KIAA1671: variants seen among roughly 807,000 people sequenced by gnomAD.
The protein encoded by KIAA1671 is KIAA1671.
A neutral mutation model predicts 131.2 loss-of-function variants in KIAA1671; 52 were observed. The ratio of observed to expected loss-of-function variants is 0.40; its 90% confidence interval spans 0.32 to 0.50. The LOEUF (loss-of-function observed/expected upper bound fraction) is 0.50, where lower values mean the gene tolerates loss of function less well. Among genes scored for constraint, KIAA1671 ranks in the 20% least tolerant of loss-of-function variants. The pLI, the probability that KIAA1671 is intolerant of heterozygous loss-of-function variation, is 0.73. For missense variants in KIAA1671, 2,360 were observed against 2,364.2 expected (o/e 1.00, Z 0.04); for synonymous variants, 1,003 against 961.6 (o/e 1.04, Z -0.80).
At chr22:25,125,357 A>G (rs1000727258) in intron 6 of KIAA1671, among the ~76,000 whole-genome samples, 11 of 152,186 alleles carry the variant, frequency 7.2e-5, no homozygotes, top group African/African-American at 2.7e-4. Context: ...GGTATTATCT[A>G]TGTCGGGTCT....
At chr22:24,957,483 A>G (rs1332519635) in intron 1 of KIAA1671, among the ~76,000 whole-genome samples, 6 of 152,186 alleles carry the variant, frequency 3.9e-5, no homozygotes, top group African/African-American at 7.2e-5. Flanking sequence ...ATCCCTGTCC[A>G]GGAGTTCACT....
chr22:25,148,242 C>T (rs1004286968), intron 6 of KIAA1671, among the ~76,000 whole-genome samples: 1 of 150,834 alleles, frequency 6.6e-6, no homozygotes, highest in Admixed American at 6.6e-5. Flanking sequence ...CCTGGCACCC[C>T]CCTCAGTCCC....
chr22:25,068,869 C>T (rs755317285), intron 6 of KIAA1671, among the ~76,000 whole-genome samples: 5 of 152,154 alleles, frequency 3.3e-5, no homozygotes, highest in East Asian at 3.9e-4. Flanking sequence ...AGCCTGGGGG[C>T]GGGAGCCTGG....
At chr22:25,066,861 A>C in intron 6 of KIAA1671, among the ~76,000 whole-genome samples, 1 of 152,154 alleles carries the variant, frequency 6.6e-6, no homozygotes. Context: ...ATTTTCTCCC[A>C]AGAGTGATGA....
Position 25,195,309 on chromosome 22 carries a change from G to A in KIAA1671, c.*2908G>A, listed in dbSNP as rs80083252. ...TGGTCCTTTGCCTAATCAAACAGAGGCTTTTGGCCTTTGAAAATCCATGAC... is the reference window on the plus strand; with the variant it reads ...TGGTCCTTTGCCTAATCAAACAGAGACTTTTGGCCTTTGAAAATCCATGAC... On this transcript the variant is annotated 3_prime_UTR_variant, in exon 13 of 13. Coordinates refer to ENST00000358431, the MANE Select transcript of KIAA1671 (RefSeq NM_001145206.2). 6,689 of 152,244 alleles carry A rather than the reference G, an allele frequency of 0.044. 195 individuals are homozygous for A. Among genetic ancestry groups the A allele is most frequent in the Middle Eastern group, 0.075 (22 of 294 alleles). 9.4% of individuals were successfully genotyped at this position (152,244 alleles called of 1,614,324 possible). A position where few individuals can be genotyped will look rare whatever the true frequency, so the allele number is the denominator to read the frequency against.
At chr22:25,061,229 GA>G in intron 6 of KIAA1671, 1 of 152,336 alleles carries the variant, frequency 6.6e-6, no homozygotes, top group East Asian at 1.9e-4. Flanking sequence ...TTCTCTTAAG[GA>G]GATGTATTTC....
rs1332798353 is a variant in KIAA1671, at chr22:24,987,645, A to AT, written c.-208+34879dup. ...GCCACCACACCTGGCTAATTATTTT[A>AT]TTTTTTGTAGAGGTGGGGTCTTGCT... is the stretch of plus-strand genomic sequence containing the variant. On this transcript the variant is annotated intron_variant, in intron 1 of 12. Coordinates refer to ENST00000358431, the MANE Select transcript of KIAA1671 (RefSeq NM_001145206.2). Among the ~76,000 whole-genome samples, 6 of 151,912 alleles carry AT rather than the reference A, an allele frequency of 3.9e-5. No homozygotes were observed. The East Asian group carries it at 1.2e-3, about 29-fold the overall frequency.
At chr22:25,187,838 T>G (rs984623574) in intron 11 of KIAA1671, among the ~76,000 whole-genome samples, 2 of 152,178 alleles carry the variant, frequency 1.3e-5, no homozygotes, top group African/African-American at 4.8e-5. Context: ...GTTCTCATTA[T>G]AAGAAATTCT....
In KIAA1671 at chr22:25,040,972, C is replaced by T. The variant is rs1049030830; in HGVS notation, c.3842C>T (p.Ala1281Val). The T allele has an allele frequency of 1.4e-5, 21 of 1,475,502 alleles. No individual in the cohort carries two copies. In the African/African-American group the frequency reaches 2.6e-4, roughly 18 times the overall value. 91.4% of individuals were successfully genotyped at this position (1,475,502 alleles called of 1,614,324 possible). A position where few individuals can be genotyped will look rare whatever the true frequency, so the allele number is the denominator to read the frequency against. The change falls in exon 5 of 13, where the codon GCA becomes GTA. Residue 1281 changes from alanine (A) to valine (V), a missense_variant. By Grantham distance (64) the Ala-to-Val change is moderately conservative (BLOSUM62 0). Coordinates refer to ENST00000358431, the MANE Select transcript of KIAA1671 (RefSeq NM_001145206.2). The part of the protein sequence containing the change: ...SFTPGLGKQL[A>V]ETLETAMGTK... ...ACTCCTGGCTTAGGCAAGCAGCTGG[C>T]AGAGACCTTGGAGACAGCCATGGGC...
At chr22:25,056,344 A>T (rs1404932792) in intron 6 of KIAA1671, 2 of 149,238 alleles carry the variant, frequency 1.3e-5, no homozygotes, top group Non-Finnish European at 3.0e-5. Context: ...CTGGAAAAGG[A>T]TTTTTAAAAT....
intron 1 of KIAA1671, among the ~76,000 whole-genome samples, chr22:24,969,558 T>C (rs974425886): frequency 6.6e-6 from 1 of 152,192 alleles, no homozygotes; most frequent in Non-Finnish European, 1.5e-5. Context: ...AACCGACAGA[T>C]ACTGAGGGCT....
chr22:25,123,420 C>T (rs1012041010), intron 6 of KIAA1671, among the ~76,000 whole-genome samples: 8 of 152,028 alleles, frequency 5.3e-5, no homozygotes, highest in African/African-American at 1.4e-4. Context: ...TCTCGATTTC[C>T]TGACCTTGTG....
At chr22:25,090,343 C>T (rs1161309835) in intron 6 of KIAA1671, among the ~76,000 whole-genome samples, 1 of 152,220 alleles carries the variant, frequency 6.6e-6, no homozygotes, top group African/African-American at 2.4e-5. Flanking sequence ...TCAGCATCCT[C>T]CATCCTCATA....
intron 6 of KIAA1671, among the ~76,000 whole-genome samples, chr22:25,135,757 G>C (rs1932648780): frequency 6.6e-6 from 1 of 152,174 alleles, no homozygotes; most frequent in Admixed American, 6.5e-5. Flanking sequence ...CATCCTCTTG[G>C]GCTGTCCTCT....
At chr22:25,174,021 G>T (rs1385650733) in intron 7 of KIAA1671, among the ~76,000 whole-genome samples, 3 of 152,152 alleles carry the variant, frequency 2.0e-5, no homozygotes, top group Admixed American at 1.3e-4. Context: ...CTCCCATTCT[G>T]CACCTGGCCA....
chr22:25,057,645 T>C (rs1377513896), intron 6 of KIAA1671: 3 of 33,064 alleles, frequency 9.1e-5, no homozygotes, highest in South Asian at 1.1e-3. Flanking sequence ...TGCTGGGCAT[T>C]TTTTTTTTTT....
rs912434670 is a variant in KIAA1671, at chr22:25,039,902, G to T, written c.2772G>T (p.Pro924=). The T allele has an allele frequency of 6.4e-7, 1 of 1,551,542 alleles. No homozygotes were observed. Among genetic ancestry groups the T allele is most frequent in the East Asian group, 2.4e-5 (1 of 40,916 alleles). ...IVAAREGDPG[P]AQVPQPAVRM... ...CCGCCAGGGAGGGTGATCCAGGGCC[G>T]GCCCAGGTGCCACAGCCTGCAGTCA... The change falls in exon 5 of 13, where the codon CCG becomes CCT. Residue 924 remains proline, a synonymous_variant. Coordinates refer to ENST00000358431, the MANE Select transcript of KIAA1671 (RefSeq NM_001145206.2).
intron 6 of KIAA1671, among the ~76,000 whole-genome samples, chr22:25,111,590 C>T (rs1160526795): frequency 6.6e-6 from 1 of 152,208 alleles, no homozygotes; most frequent in East Asian, 1.9e-4. Flanking sequence ...GAATCTCCAG[C>T]CAGAGGACAG....
intron 1 of KIAA1671, among the ~76,000 whole-genome samples, chr22:24,972,374 A>T (rs897238241): frequency 2.0e-5 from 3 of 152,138 alleles, no homozygotes; most frequent in African/African-American, 7.2e-5. Context: ...TGTCTACCGT[A>T]TAGCTGCTTT....
Sources: gnomAD v4.1 joint callset for allele counts (sites outside exome capture counted in the v4.1 genomes callset) on GRCh38, gnomAD v4.1.1 for gene constraint, MANE v1.5 for transcripts, NCBI Gene and HGNC (gene_info 2026-07-23, HGNC 2026-07-21) for gene names.